The following SLC16A1 variants were observed in gnomAD, a reference collection of about 807,000 sequenced individuals.
SLC16A1 encodes solute carrier family 16 member 1.
In SLC16A1, 11 loss-of-function variants were observed where a neutral mutation model predicts 32.2. That is an observed-to-expected ratio of 0.34 (90% CI 0.21 to 0.56). The LOEUF is 0.56. SLC16A1 is among the 20% of genes least tolerant of loss of function. The pLI is 0.87. For synonymous variants in SLC16A1, 231 were observed against 226.8 expected (o/e 1.02, Z -0.17); for missense variants, 435 against 615.0 (o/e 0.71, Z 3.10).
At chr1:112,935,042 G>GT (rs1177320776) in intron 1 of SLC16A1, among the ~76,000 whole-genome samples, 1 of 152,160 alleles carries the variant, frequency 6.6e-6, no homozygotes, top group Non-Finnish European at 1.5e-5. Context: ...AAAAAACTGT[G>GT]TATTTCTCTA....
intron 4 of SLC16A1, among the ~76,000 whole-genome samples, chr1:112,916,601 T>G (rs1434888116): frequency 2.0e-5 from 3 of 151,950 alleles, no homozygotes; most frequent in Non-Finnish European, 2.9e-5. Flanking sequence ...CTACATGCTT[T>G]TCTACACTAA....
chr1:112,930,724 G>GTTTTTT (rs536201953), intron 1 of SLC16A1, among the ~76,000 whole-genome samples: 2 of 135,206 alleles, frequency 1.5e-5, no homozygotes, highest in African/African-American at 2.8e-5. Flanking sequence ...AACATTTTAG[G>GTTTTTT]TTTTTTTTTT....
chr1:112,951,569 A>C (rs749688946), intron 1 of SLC16A1, among the ~76,000 whole-genome samples: 11 of 152,234 alleles, frequency 7.2e-5, no homozygotes, highest in Non-Finnish European at 1.5e-4. Context: ...ATTTGGATTT[A>C]GTAGTGATTC....
chr1:112,940,649 A>T (rs1232966017), intron 1 of SLC16A1, among the ~76,000 whole-genome samples: 1 of 152,206 alleles, frequency 6.6e-6, no homozygotes, highest in Non-Finnish European at 1.5e-5. Flanking sequence ...TATACTGGAA[A>T]GGATGGTCAG....
At chr1:112,953,089 CA>C (rs567371651) in intron 1 of SLC16A1, among the ~76,000 whole-genome samples, 3 of 151,998 alleles carry the variant, frequency 2.0e-5, no homozygotes, top group Non-Finnish European at 4.4e-5. Flanking sequence ...CTCCATATTG[CA>C]TCCAAAGTGA....
intron 1 of SLC16A1, chr1:112,955,357 T>C (rs1051450769): frequency 1.3e-5 from 2 of 151,866 alleles, no homozygotes; most frequent in African/African-American, 4.8e-5. Flanking sequence ...AGTCCATGAG[T>C]AGAAGGGCGC....
chr1:112,929,038 G>A, intron 2 of SLC16A1, 54 bp downstream of exon 2: 2 of 1,213,208 alleles, frequency 1.6e-6, no homozygotes, highest in South Asian at 2.5e-5. Flanking sequence ...ACCTAATACA[G>A]ACACTCTGGC....
At chr1:112,935,373 T>C (rs1253007291) in intron 1 of SLC16A1, among the ~76,000 whole-genome samples, 2 of 151,882 alleles carry the variant, frequency 1.3e-5, no homozygotes, top group African/African-American at 4.8e-5. Context: ...TGCACTACTG[T>C]ACTACAGCCT....
At chr1:112,919,001 T>C (rs1648614523) in intron 3 of SLC16A1, among the ~76,000 whole-genome samples, 1 of 149,170 alleles carries the variant, frequency 6.7e-6, no homozygotes, top group Admixed American at 6.8e-5. Flanking sequence ...GAAATGAATG[T>C]ACTAATTTAT....
At chr1:112,934,285 G>A (rs1311035617) in intron 1 of SLC16A1, among the ~76,000 whole-genome samples, 1 of 152,150 alleles carries the variant, frequency 6.6e-6, no homozygotes, top group African/African-American at 2.4e-5. Context: ...ATGTTCAACT[G>A]CTTAAGTAAC....
At chr1:112,949,057 C>T (rs946059448) in intron 1 of SLC16A1, among the ~76,000 whole-genome samples, 2 of 151,920 alleles carry the variant, frequency 1.3e-5, no homozygotes, top group East Asian at 1.9e-4. Flanking sequence ...AGGGTTTCAC[C>T]GTGTTGGCCA....
In SLC16A1 at chr1:112,922,049, A is replaced by T; in HGVS notation, c.302T>A (p.Ile101Asn). The T allele has an allele frequency of 1.2e-6, 2 of 1,614,190 alleles. No homozygotes were observed. The highest frequency in any genetic ancestry group is 1.7e-6 in the Non-Finnish European group (2 of 1,180,038). ...VGGCLSGCGLIAASFCNTVQQ... is the reference protein window; with the variant it reads ...VGGCLSGCGLNAASFCNTVQQ... ...TACGGTGTTACAGAAAGAAGCTGCAATCAAGCCACAGCCTGACAAGCAGCC... is the reference window on the plus strand; with the variant it reads ...TACGGTGTTACAGAAAGAAGCTGCATTCAAGCCACAGCCTGACAAGCAGCC... The change falls in exon 3 of 5, where the codon ATT becomes AAT. Residue 101 changes from isoleucine (I) to asparagine (N), a missense_variant. Physicochemically the swap from Ile to Asn is moderately radical, Grantham distance 149 (BLOSUM62 -3). Transcript: ENST00000369626.
At chr1:112,944,310 G>GC (rs1649616487) in intron 1 of SLC16A1, among the ~76,000 whole-genome samples, 1 of 152,172 alleles carries the variant, frequency 6.6e-6, no homozygotes. Flanking sequence ...AAATTAGACA[G>GC]CAGTGGTGGC....
chr1:112,943,986 G>C (rs11579784), intron 1 of SLC16A1, among the ~76,000 whole-genome samples: 2 of 152,080 alleles, frequency 1.3e-5, no homozygotes, highest in African/African-American at 4.8e-5. Context: ...ATGGAGCTTA[G>C]ATTCTGGGAA....
At chr1:112,935,436 A>G (rs1649270409) in intron 1 of SLC16A1, among the ~76,000 whole-genome samples, 1 of 152,184 alleles carries the variant, frequency 6.6e-6, no homozygotes, top group South Asian at 2.1e-4. Context: ...AGTGAAATTA[A>G]TAACACATTA....
intron 1 of SLC16A1, among the ~76,000 whole-genome samples, chr1:112,940,824 A>C (rs1649482655): frequency 6.6e-6 from 1 of 152,228 alleles, no homozygotes; most frequent in Admixed American, 6.5e-5. Flanking sequence ...AGAACATGCA[A>C]AAATTCTATT....
rs1649010804 is a variant in SLC16A1, at chr1:112,928,394, T to TA, written c.217+697dup. 2.0e-5 allele frequency among the ~76,000 whole-genome samples: 3 copies of TA among 152,360 alleles called. No individual in the cohort carries two copies. The South Asian group carries it at 6.2e-4, about 32-fold the overall frequency. On this transcript the variant is annotated intron_variant, in intron 2 of 4. Coordinates refer to ENST00000369626, the MANE Select transcript of SLC16A1 (RefSeq NM_003051.4). ...GAATATATTCATAGAACTTGACAGA[T>TA]ATTGGTTGACTCTGGCACCACCTTA...
chr1:112,938,954 G>A (rs1002965858), intron 1 of SLC16A1, among the ~76,000 whole-genome samples: 3 of 150,524 alleles, frequency 2.0e-5, no homozygotes, highest in African/African-American at 4.9e-5. Flanking sequence ...ACAATGGCGC[G>A]ATCTCGGCTC....
rs11362773 is a variant in SLC16A1 at position 112,941,278 on chromosome 1, C to CTTTT, written c.-44-11930_-44-11927dup. On this transcript the variant is annotated intron_variant, in intron 1 of 4. Coordinates refer to ENST00000369626, the MANE Select transcript of SLC16A1 (RefSeq NM_003051.4). Reference sequence around the variant, plus strand: ...TTATCCCCTATAGACCTCTTCACACCTTTTTTTTTTTTTTTTTTTTGAGAC... The same window carrying CTTTT: ...TTATCCCCTATAGACCTCTTCACACCTTTTTTTTTTTTTTTTTTTTTTTTGAGAC... Among the ~76,000 whole-genome samples, 66 of 111,538 alleles carry CTTTT rather than the reference C, an allele frequency of 5.9e-4. 1 individual carries two copies. In the East Asian group the frequency reaches 9.1e-3, roughly 15 times the overall value. 73.2% of individuals were successfully genotyped at this position (111,538 alleles called of 152,430 possible).
Sources: allele counts gnomAD v4.1 joint callset (sites outside exome capture counted in the v4.1 genomes callset), GRCh38; gene constraint gnomAD v4.1.1; transcripts MANE v1.5; gene names NCBI Gene and HGNC (gene_info 2026-07-23, HGNC 2026-07-21).